IL17A: variants seen among roughly 807,000 people sequenced by gnomAD.
IL17A encodes interleukin 17A, also known as interleukin-17A.
IL17A carries 1 observed loss-of-function variant against 7.2 expected under a neutral mutation model. The observed-to-expected ratio is 0.14, with a 90% confidence interval of 0.05 to 0.66. The LOEUF (loss-of-function observed/expected upper bound fraction) is 0.66. IL17A is among the 30% of genes least tolerant of loss of function. The pLI is 0.84. For synonymous variants in IL17A, 90 were observed against 77.7 expected (o/e 1.16, Z -0.83); for missense variants, 191 against 197.1 (o/e 0.97, Z 0.18).
chr6:52,186,376 T>C lies in IL17A; in HGVS notation c.-56T>C. The C allele has an allele frequency of 1.3e-6, 2 of 1,578,948 alleles. No homozygotes were observed. The highest frequency in any genetic ancestry group is 1.7e-6 in the Non-Finnish European group (2 of 1,148,292). ...AGAGAGACGATAGCGCTACATTTTGTCCATCTCATAGCAGGCACAAACTCA... is the reference window on the plus strand; with the variant it reads ...AGAGAGACGATAGCGCTACATTTTGCCCATCTCATAGCAGGCACAAACTCA... On this transcript the variant is annotated 5_prime_UTR_variant, in exon 1 of 3. Coordinates refer to ENST00000648244, the MANE Select transcript of IL17A (RefSeq NM_002190.3).
At position 52,190,119 on chromosome 6, in the gene IL17A, A is replaced by T. The variant is rs896444631; in HGVS notation, c.*827A>T. ...GCAAATTCTCCTATAAGCAAAACAA[A>T]GCATGTCTTTGAGTAACAATGACCT... On this transcript the variant is annotated 3_prime_UTR_variant, in exon 3 of 3. Coordinates refer to ENST00000648244, the MANE Select transcript of IL17A (RefSeq NM_002190.3). 6.6e-6 allele frequency: 1 copy of T among 152,200 alleles called. No homozygotes were observed. Among genetic ancestry groups the T allele is most frequent in the Non-Finnish European group, 1.5e-5 (1 of 68,030 alleles). The allele number at this position is 152,200 out of a possible 1,614,324, so 9.4% of individuals were successfully genotyped here.
intron 1 of IL17A, 116 bp from the exon 2 acceptor site, chr6:52,187,486 TG>T: frequency 1.2e-6 from 1 of 855,486 alleles, no homozygotes; most frequent in Non-Finnish European, 2.0e-6. Flanking sequence ...TAGATTGTCC[TG>T]GAACATTGTG....
rs151317528 is a variant in IL17A at position 52,189,095 on chromosome 6, G to A, written c.271G>A (p.Glu91Lys). 1.7e-4 allele frequency: 281 copies of A among 1,613,944 alleles called. No homozygotes were observed. Among genetic ancestry groups the A allele is most frequent in the Non-Finnish European group, 2.3e-4 (274 of 1,179,992 alleles). Reference protein sequence around the residue: ...DPERYPSVIWEAKCRHLGCIN... With the variant: ...DPERYPSVIWKAKCRHLGCIN... ...TGAGAGATATCCCTCTGTGATCTGG[G>A]AGGCAAAGTGCCGCCACTTGGGCTG... The change falls in exon 3 of 3, where the codon GAG (glutamate) becomes AAG (lysine). Residue 91 changes from glutamate (E) to lysine (K), a missense_variant. Glu to Lys is a moderately conservative substitution (Grantham distance 56). Transcript: ENST00000648244.
chr6:52,190,445 A>G lies in IL17A; in HGVS notation c.*1153A>G, dbSNP rs1328237750. 1 of 152,152 alleles carries G rather than the reference A, an allele frequency of 6.6e-6. No homozygotes were observed. The highest frequency in any genetic ancestry group is 1.9e-4 in the East Asian group (1 of 5,194). 9.4% of individuals were successfully genotyped at this position (152,152 alleles called of 1,614,324 possible). A position where few individuals can be genotyped will look rare whatever the true frequency, so the allele number is the denominator to read the frequency against. On this transcript the variant is annotated 3_prime_UTR_variant, in exon 3 of 3. Coordinates refer to ENST00000648244, the MANE Select transcript of IL17A (RefSeq NM_002190.3). ...AGGCCCCTCAGAGATCAACAGACCA[A>G]CATTTTTCTCTTCCTCAAGCAACAC...
chr6:52,186,776 T>A (rs1043447398), intron 1 of IL17A, among the ~76,000 whole-genome samples: 1 of 152,222 alleles, frequency 6.6e-6, no homozygotes, highest in Non-Finnish European at 1.5e-5. Flanking sequence ...AAGGATTTAA[T>A]ATAATTCTCC....
intron 2 of IL17A, 145 bp downstream of exon 2, chr6:52,187,950 A>T (rs1763313596): frequency 1.4e-6 from 1 of 693,618 alleles, no homozygotes; most frequent in Non-Finnish European, 2.5e-6. Flanking sequence ...CAATTCTCAA[A>T]CTTTCTACAG....
At chr6:52,188,318 T>C (rs892079562) in intron 2 of IL17A, among the ~76,000 whole-genome samples, 5 of 152,204 alleles carry the variant, frequency 3.3e-5, no homozygotes, top group Non-Finnish European at 7.3e-5. Context: ...AACATACCTA[T>C]GCTTGCTGTA....
chr6:52,188,872 C>T (rs1763327615), intron 2 of IL17A, among the ~76,000 whole-genome samples, 183 bp from the exon 3 acceptor site: 1 of 151,280 alleles, frequency 6.6e-6, no homozygotes. Context: ...TAACAATTCA[C>T]GTGCTTGAAA....
chr6:52,186,964 T>C, intron 1 of IL17A, among the ~76,000 whole-genome samples: 1 of 152,238 alleles, frequency 6.6e-6, no homozygotes, highest in Non-Finnish European at 1.5e-5. Flanking sequence ...TTTAAATATT[T>C]AACTTCAAGT....
rs185216626 is a variant in IL17A at position 52,186,930 on chromosome 6, T to C, written c.27+472T>C. Among the ~76,000 whole-genome samples, 124 of 152,366 alleles carry C rather than the reference T, an allele frequency of 8.1e-4. 1 individual carries two copies. The highest frequency in any genetic ancestry group is 1.5e-3 in the East Asian group (8 of 5,192). ...AACTAAACATAGGTATAACTGTGTT[T>C]TAGAATAAGTGGGGTTTATATTTTT... is the stretch of plus-strand genomic sequence containing the variant. On this transcript the variant is annotated intron_variant, in intron 1 of 2. Transcript: ENST00000648244.
At chr6:52,186,535 T>A (rs1271251112) in intron 1 of IL17A, 77 bp downstream of exon 1, 2 of 1,411,476 alleles carry the variant, frequency 1.4e-6, no homozygotes, top group African/African-American at 1.4e-5. Flanking sequence ...CATGAAACGC[T>A]GGGTTCTGAC....
At chr6:52,188,606 C>A (rs2128261743) in intron 2 of IL17A, among the ~76,000 whole-genome samples, 1 of 152,274 alleles carries the variant, frequency 6.6e-6, no homozygotes, top group African/African-American at 2.4e-5. Context: ...TGGGCTCTGT[C>A]CCACGAATGT....
intron 2 of IL17A, 123 bp downstream of exon 2, chr6:52,187,928 C>T: frequency 1.2e-6 from 1 of 816,856 alleles, no homozygotes; most frequent in Non-Finnish European, 2.0e-6. Context: ...CTGGAAGGAC[C>T]ACTGTGAAGA....
In IL17A at chr6:52,189,126, A is replaced by T. The variant is rs988912244; in HGVS notation, c.302A>T (p.Asn101Ile). The T allele has an allele frequency of 6.2e-7, 1 of 1,614,128 alleles. No individual in the cohort carries two copies. The highest frequency in any genetic ancestry group is 2.2e-5 in the East Asian group (1 of 44,864). ...AAGTGCCGCCACTTGGGCTGCATCA[A>T]CGCTGATGGGAACGTGGACTACCAC... ...EAKCRHLGCINADGNVDYHMN... is the reference protein window; with the variant it reads ...EAKCRHLGCIIADGNVDYHMN... Residue 101 changes from asparagine to isoleucine, a missense_variant, in exon 3 of 3, where the codon AAC (asparagine) becomes ATC (isoleucine). Asn to Ile is a moderately radical substitution (Grantham distance 149). Transcript: ENST00000648244.
intron 1 of IL17A, among the ~76,000 whole-genome samples, chr6:52,186,725 T>C (rs1419545548): frequency 6.6e-6 from 1 of 152,200 alleles, no homozygotes; most frequent in Admixed American, 6.5e-5. Flanking sequence ...TGCTGTGCAG[T>C]AAGAAAGAAA....
At chr6:52,187,860 G>T (rs937815729) in intron 2 of IL17A, 55 bp downstream of exon 2, 10 of 1,376,950 alleles carry the variant, frequency 7.3e-6, no homozygotes, top group Non-Finnish European at 1.0e-5. Flanking sequence ...TTATGCATCA[G>T]ACTGCCAGTT....
chr6:52,187,174 C>G (rs1763299530), intron 1 of IL17A, among the ~76,000 whole-genome samples: 1 of 152,158 alleles, frequency 6.6e-6, no homozygotes, highest in Non-Finnish European at 1.5e-5. Context: ...TGTTTGACTT[C>G]ACGATGAGTT....
Position 52,189,496 on chromosome 6 carries a change from GA to G in IL17A, c.*206del, listed in dbSNP as rs1240041567. On this transcript the variant is annotated 3_prime_UTR_variant, in exon 3 of 3. Transcript: ENST00000648244. The stretch of plus-strand genomic sequence containing the variant: ...ATTACCTTTCCCTCTTTCCAAGAAG[GA>G]AGGTTTGACTGAGTACCAATTTGCT... 2.0e-5 allele frequency: 10 copies of G among 498,250 alleles called. No individual in the cohort carries two copies. In the East Asian group the frequency reaches 3.1e-4, roughly 16 times the overall value. The allele number at this position is 498,250 out of a possible 1,614,324, so 30.9% of individuals were successfully genotyped here. A position where few individuals can be genotyped will look rare whatever the true frequency, so the allele number is the denominator to read the frequency against.
Position 52,189,605 on chromosome 6 carries a change from T to C in IL17A, c.*313T>C, listed in dbSNP as rs1010137001. ...AACTTTGGGGTATAAGATTCCATTT[T>C]AATGAATTACCTACTTTATTTTGTT... On this transcript the variant is annotated 3_prime_UTR_variant, in exon 3 of 3. Coordinates refer to ENST00000648244, the MANE Select transcript of IL17A (RefSeq NM_002190.3). 34 of 227,092 alleles carry C rather than the reference T, an allele frequency of 1.5e-4. No individual in the cohort carries two copies. The highest frequency in any genetic ancestry group is 2.8e-4 in the Non-Finnish European group (33 of 118,056). 14.1% of individuals were successfully genotyped at this position (227,092 alleles called of 1,614,324 possible).
Sources: allele counts gnomAD v4.1 joint callset (sites outside exome capture counted in the v4.1 genomes callset), GRCh38; gene constraint gnomAD v4.1.1; transcripts MANE v1.5; gene names NCBI Gene and HGNC (gene_info 2026-07-23, HGNC 2026-07-21).